CFAP77: variants seen among roughly 807,000 people sequenced by gnomAD.
CFAP77 encodes the protein cilia- and flagella-associated protein 77.
Under a neutral mutation model 31.1 loss-of-function variants are expected in CFAP77, and 25 were observed. The observed-to-expected ratio is 0.80, with a 90% CI of 0.59 to 1.12. CFAP77 has a LOEUF of 1.12. CFAP77 is among the 50% of genes most tolerant of loss of function. The probability of loss-of-function intolerance (pLI) is 0.00; values close to 1 mark genes in which losing one functional copy is unlikely to be tolerated. For synonymous variants in CFAP77, 151 were observed against 159.9 expected (o/e 0.94, Z 0.42); for missense variants, 377 against 397.3 (o/e 0.95, Z 0.44).
intron 1 of CFAP77, among the ~76,000 whole-genome samples, chr9:132,468,679 T>C (rs562865302): frequency 6.6e-6 from 1 of 152,302 alleles, no homozygotes; most frequent in Non-Finnish European, 1.5e-5. Flanking sequence ...CCAGATGGGA[T>C]GTAAGCATCG....
chr9:132,554,170 A>T lies in CFAP77; in HGVS notation c.732+11123A>T, dbSNP rs1034474942. Among the ~76,000 whole-genome samples, 2 of 152,252 alleles carry T rather than the reference A, an allele frequency of 1.3e-5. No homozygotes were observed. Among genetic ancestry groups the T allele is most frequent in the Admixed American group, 1.3e-4 (2 of 15,296 alleles). ...AACTCAAAGCCCTATGTCCCTAATC[A>T]TCGAGTGCACTGTCATGCCTTCTGT... On this transcript the variant is annotated intron_variant, in intron 5 of 5. Transcript: ENST00000393216. This position sits in a 1 kb window ranked among gnomAD's most constrained non-coding sequence, Gnocchi z 4.1.
chr9:132,437,178 G>T (rs996492381), intron 1 of CFAP77, among the ~76,000 whole-genome samples: 1 of 152,186 alleles, frequency 6.6e-6, no homozygotes, highest in Non-Finnish European at 1.5e-5. Flanking sequence ...TTCCCTGATC[G>T]CCTTGTCCCC....
intron 3 of CFAP77, among the ~76,000 whole-genome samples, chr9:132,531,591 G>A (rs1852452052): frequency 6.8e-6 from 1 of 146,904 alleles, no homozygotes; most frequent in Non-Finnish European, 1.5e-5. Flanking sequence ...GGGACCTGCG[G>A]CCCGGGCAAT....
chr9:132,496,364 C>T (rs1267563679), intron 1 of CFAP77, among the ~76,000 whole-genome samples: 2 of 152,200 alleles, frequency 1.3e-5, no homozygotes, highest in African/African-American at 4.8e-5. Flanking sequence ...CCCTACAATT[C>T]ACCCATTGAA....
At chr9:132,456,690 G>C (rs1171074495) in intron 1 of CFAP77, among the ~76,000 whole-genome samples, 1 of 152,054 alleles carries the variant, frequency 6.6e-6, no homozygotes, top group Non-Finnish European at 1.5e-5. Context: ...AAACCATTCA[G>C]TTTGGGCAAT....
intron 5 of CFAP77, among the ~76,000 whole-genome samples, chr9:132,555,161 C>G (rs985236304): frequency 1.3e-5 from 2 of 152,220 alleles, no homozygotes; most frequent in Non-Finnish European, 2.9e-5. Flanking sequence ...TGCTATCTAG[C>G]TGAGGACACT....
chr9:132,469,237 G>A (rs1851211719), intron 1 of CFAP77, among the ~76,000 whole-genome samples: 1 of 152,148 alleles, frequency 6.6e-6, no homozygotes, highest in Non-Finnish European at 1.5e-5. Flanking sequence ...CAATCACAGA[G>A]ATATTTTCCC....
intron 1 of CFAP77, among the ~76,000 whole-genome samples, chr9:132,492,185 G>T (rs1851663227): frequency 6.6e-6 from 1 of 152,170 alleles, no homozygotes; most frequent in Non-Finnish European, 1.5e-5. Context: ...ACACTCTGGA[G>T]GCTGAGGTGG....
At chr9:132,442,536 C>T (rs1388160082) in intron 1 of CFAP77, among the ~76,000 whole-genome samples, 1 of 152,100 alleles carries the variant, frequency 6.6e-6, no homozygotes, top group Non-Finnish European at 1.5e-5. Context: ...CTCGGCAACA[C>T]AGTGAGACCC....
In CFAP77 at chr9:132,498,703, C is replaced by T. The variant is rs372413633; in HGVS notation, c.204C>T (p.Leu68=). ...TGTCCTTCCCCCGACAGGCTGAACT[C>T]GGCAAGCCCCGGGAAAGAAGCTACA... ...FQNPLIVKAE[L]GKPRERSYSL... Residue 68 remains leucine, a synonymous_variant, in exon 2 of 6, where the codon CTC becomes CTT. Transcript: ENST00000393216. The surrounding 1 kb of genome is among the most constrained non-coding windows in gnomAD (Gnocchi z 4.2). The T allele has an allele frequency of 9.7e-5, 156 of 1,610,738 alleles. No individual in the cohort carries two copies. The highest frequency in any genetic ancestry group is 1.2e-4 in the Non-Finnish European group (138 of 1,178,222).
intron 1 of CFAP77, among the ~76,000 whole-genome samples, chr9:132,422,527 A>G (rs1278177734): frequency 6.6e-6 from 1 of 152,206 alleles, no homozygotes. Flanking sequence ...CCGCGTTCAC[A>G]TGAGCAATGG....
intron 5 of CFAP77, among the ~76,000 whole-genome samples, chr9:132,558,699 C>CT (rs1002048028): frequency 6.7e-6 from 1 of 148,222 alleles, no homozygotes; most frequent in African/African-American, 2.5e-5. Context: ...GAGTGAAACT[C>CT]TGTCTCAAAA....
chr9:132,430,561 G>A (rs145707056), intron 1 of CFAP77, among the ~76,000 whole-genome samples: 2 of 152,218 alleles, frequency 1.3e-5, no homozygotes, highest in East Asian at 3.9e-4. Context: ...CCTTTGTTGC[G>A]ATCTGAAGAA....
intron 1 of CFAP77, among the ~76,000 whole-genome samples, chr9:132,410,753 T>C (rs78486214): frequency 6.6e-6 from 1 of 152,186 alleles, no homozygotes; most frequent in African/African-American, 2.4e-5. Flanking sequence ...GCGCCTGACA[T>C]GGGGTAAGGC....
At position 132,517,586 on chromosome 9, in the gene CFAP77, G is replaced by C. The variant is rs979216242; in HGVS notation, c.524+17986G>C. 1.3e-5 allele frequency among the ~76,000 whole-genome samples: 2 copies of C among 152,220 alleles called. No individual in the cohort carries two copies. The highest frequency in any genetic ancestry group is 4.8e-5 in the African/African-American group (2 of 41,460). The stretch of plus-strand genomic sequence containing the variant: ...ACCTTTCAACAAATGTGTACCTAAA[G>C]TCCCTCAGAAGGCTCCTCCAGCTTC... On this transcript the variant is annotated intron_variant, in intron 3 of 5. Coordinates refer to ENST00000393216, the MANE Select transcript of CFAP77 (RefSeq NM_001282957.2). This position sits in a 1 kb window ranked among gnomAD's most constrained non-coding sequence, Gnocchi z 4.7.
At chr9:132,571,889 T>A (rs1316105412) in intron 5 of CFAP77, among the ~76,000 whole-genome samples, 1 of 151,938 alleles carries the variant, frequency 6.6e-6, no homozygotes, top group Non-Finnish European at 1.5e-5. Flanking sequence ...TTGCATTTTT[T>A]TTTTTTTTTT....
chr9:132,422,713 AG>A (rs891338336), intron 1 of CFAP77, among the ~76,000 whole-genome samples: 2 of 152,190 alleles, frequency 1.3e-5, no homozygotes, highest in African/African-American at 4.8e-5. Flanking sequence ...GGGTCAAAGC[AG>A]GGGGAATACA....
At chr9:132,422,135 A>G (rs1850226620) in intron 1 of CFAP77, among the ~76,000 whole-genome samples, 1 of 151,928 alleles carries the variant, frequency 6.6e-6, no homozygotes, top group Admixed American at 6.6e-5. Context: ...CAGCCTCCCC[A>G]GTATCTGGGA....
intron 1 of CFAP77, among the ~76,000 whole-genome samples, chr9:132,476,700 G>A (rs149211491): frequency 2.6e-3 from 393 of 152,194 alleles, no homozygotes; most frequent in African/African-American, 9.2e-3. Context: ...AGACACACAG[G>A]GGAGAAGGCC....
Sources: allele counts gnomAD v4.1 joint callset (sites outside exome capture counted in the v4.1 genomes callset), GRCh38; gene constraint gnomAD v4.1.1; non-coding constraint Gnocchi (gnomAD v3.1); transcripts MANE v1.5; gene names NCBI Gene and HGNC (gene_info 2026-07-23, HGNC 2026-07-21).